ZDHHC8: variants seen among roughly 807,000 people sequenced by gnomAD.
ZDHHC8 encodes palmitoyltransferase ZDHHC8.
In ZDHHC8, 24 loss-of-function variants were observed where a neutral mutation model predicts 61.2. The ratio of observed to expected loss-of-function variants is 0.39; its 90% CI spans 0.28 to 0.55. The LOEUF is 0.55. Among genes scored for constraint, ZDHHC8 ranks in the 20% least tolerant of loss-of-function variants. The pLI is 0.60. For synonymous variants in ZDHHC8, 523 were observed against 492.5 expected (o/e 1.06, Z -0.82); for missense variants, 935 against 1,102.1 (o/e 0.85, Z 2.15).
chr22:20,138,178 A>G (rs2050437576), intron 1 of ZDHHC8, among the ~76,000 whole-genome samples: 1 of 152,250 alleles, frequency 6.6e-6, no homozygotes, highest in Non-Finnish European at 1.5e-5. Context: ...GCTAGTGGCC[A>G]TAGAGGTCAG....
intron 5 of ZDHHC8, 163 bp from the exon 6 acceptor site, chr22:20,140,454 C>T (rs1330316774): frequency 9.5e-6 from 8 of 842,542 alleles, no homozygotes; most frequent in African/African-American, 1.7e-5. Context: ...CCTGCAAGTT[C>T]AGGCTGGGTA....
Position 20,131,939 on chromosome 22 carries a change from G to A in ZDHHC8, c.-9G>A. 8.7e-7 allele frequency: 1 copy of A among 1,153,886 alleles called. No homozygotes were observed. Among genetic ancestry groups the A allele is most frequent in the Non-Finnish European group, 1.1e-6 (1 of 928,500 alleles). The allele number at this position is 1,153,886 out of a possible 1,614,324, so 71.5% of individuals were successfully genotyped here. A position where few individuals can be genotyped will look rare whatever the true frequency, so the allele number is the denominator to read the frequency against. On this transcript the variant is annotated 5_prime_UTR_variant, in exon 1 of 11. Coordinates refer to ENST00000334554, the MANE Select transcript of ZDHHC8 (RefSeq NM_013373.4). ...CCCCGGGGAGGGATGCGGCGGCGCGGCGCCCAGGATGCCCCGCAGCCCCGG... is the reference window on the plus strand; with the variant it reads ...CCCCGGGGAGGGATGCGGCGGCGCGACGCCCAGGATGCCCCGCAGCCCCGG...
chr22:20,141,550 C>T lies in ZDHHC8; in HGVS notation c.1125+20C>T. ...GAGCAGGTAAGGAGGCCTAGCCTGC[C>T]CCCTGGCAGGCCTCGTCCCCCAGGC... On this transcript the variant is annotated intron_variant, in intron 9 of 10. Transcript: ENST00000334554. The T allele has an allele frequency of 1.3e-6, 2 of 1,593,140 alleles. No individual in the cohort carries two copies. Among genetic ancestry groups the T allele is most frequent in the Non-Finnish European group, 1.7e-6 (2 of 1,169,112 alleles).
intron 1 of ZDHHC8, among the ~76,000 whole-genome samples, chr22:20,136,285 C>T (rs564521632): frequency 1.0e-3 from 156 of 152,354 alleles, no homozygotes; most frequent in Middle Eastern, 6.8e-3. Context: ...GGAGCCTCCC[C>T]GAGCCTGGAC....
In ZDHHC8 at chr22:20,147,109, C is replaced by T. The variant is rs997139991; in HGVS notation, c.*1709C>T. The T allele has an allele frequency of 1.7e-5, 26 of 1,532,570 alleles. No homozygotes were observed. The highest frequency in any genetic ancestry group is 2.2e-5 in the Non-Finnish European group (25 of 1,140,698). 94.9% of individuals were successfully genotyped at this position (1,532,570 alleles called of 1,614,324 possible). ...GCTGCACCTGTGCCACCTTGGCCGCCCGGAGGACCGCCCACCACTGCGGGC... is the reference window on the plus strand; with the variant it reads ...GCTGCACCTGTGCCACCTTGGCCGCTCGGAGGACCGCCCACCACTGCGGGC... On this transcript the variant is annotated 3_prime_UTR_variant, in exon 11 of 11. Coordinates refer to ENST00000334554, the MANE Select transcript of ZDHHC8 (RefSeq NM_013373.4).
chr22:20,143,891 T>TG (rs2050498955), intron 10 of ZDHHC8, 135 bp downstream of exon 10: 15 of 1,199,526 alleles, frequency 1.3e-5, no homozygotes, highest in Non-Finnish European at 1.7e-5. Flanking sequence ...ACAGGGAGGA[T>TG]GCGCCTCACC....
chr22:20,147,862 T>A lies in ZDHHC8; in HGVS notation c.*2462T>A, dbSNP rs1020979880. ...TGGCACTCCGGCCAGCCCTTCTCCG[T>A]CACAGGGTCCCTGTCCCTGGGTCCA... On this transcript the variant is annotated 3_prime_UTR_variant, in exon 11 of 11. Coordinates refer to ENST00000334554, the MANE Select transcript of ZDHHC8 (RefSeq NM_013373.4). The A allele has an allele frequency of 6.6e-6, 1 of 152,328 alleles. No individual in the cohort carries two copies. The highest frequency in any genetic ancestry group is 1.5e-5 in the Non-Finnish European group (1 of 68,100). The allele number at this position is 152,328 out of a possible 1,614,324, so 9.4% of individuals were successfully genotyped here.
chr22:20,145,448 C>A lies in ZDHHC8; in HGVS notation c.*48C>A. The A allele has an allele frequency of 1.4e-6, 2 of 1,390,244 alleles. No homozygotes were observed. The highest frequency in any genetic ancestry group is 1.6e-5 in the South Asian group (1 of 63,040). The allele number at this position is 1,390,244 out of a possible 1,614,324, so 86.1% of individuals were successfully genotyped here. On this transcript the variant is annotated 3_prime_UTR_variant, in exon 11 of 11. Coordinates refer to ENST00000334554, the MANE Select transcript of ZDHHC8 (RefSeq NM_013373.4). Reference sequence around the variant, plus strand: ...CATGGTGCCACGGGGACCAGGACCCCACAGCGCACCCCCCCTCCCCACCAA... The same window carrying A: ...CATGGTGCCACGGGGACCAGGACCCAACAGCGCACCCCCCCTCCCCACCAA...
At chr22:20,144,548 C>T (rs1038469410) in intron 10 of ZDHHC8, among the ~76,000 whole-genome samples, 4 of 152,246 alleles carry the variant, frequency 2.6e-5, no homozygotes, top group Non-Finnish European at 5.9e-5. Flanking sequence ...CCAGCCCAGC[C>T]CAGCCCAGGC....
intron 1 of ZDHHC8, 68 bp downstream of exon 1, chr22:20,132,119 G>C: frequency 9.8e-7 from 1 of 1,022,788 alleles, no homozygotes; most frequent in Non-Finnish European, 1.2e-6. Context: ...CCGGGCACGG[G>C]GGCAGCGGTC....
At position 20,146,969 on chromosome 22, in the gene ZDHHC8, G is replaced by A. The variant is rs984944755; in HGVS notation, c.*1569G>A. 1.9e-5 allele frequency: 26 copies of A among 1,375,242 alleles called. No individual in the cohort carries two copies. The Admixed American group carries it at 1.9e-4, about 10-fold the overall frequency. The allele number at this position is 1,375,242 out of a possible 1,614,324, so 85.2% of individuals were successfully genotyped here. ...GGAGGCGTGCGGGCTGTAGGGCCCC[G>A]AAGCTGACCTCCACCTTTCTGCTTC... On this transcript the variant is annotated 3_prime_UTR_variant, in exon 11 of 11. Transcript: ENST00000334554.
At chr22:20,144,404 A>C (rs539070224) in intron 10 of ZDHHC8, among the ~76,000 whole-genome samples, 1 of 152,274 alleles carries the variant, frequency 6.6e-6, no homozygotes, top group African/African-American at 2.4e-5. Flanking sequence ...GGAGAGCTGC[A>C]CACCTGCTGG....
chr22:20,131,865 G>GGCCCCCCC lies in ZDHHC8; in HGVS notation c.-83_-82insGCCCCCCC. The GGCCCCCCC allele has an allele frequency of 9.4e-5, 30 of 318,138 alleles. No homozygotes were observed. Among genetic ancestry groups the GGCCCCCCC allele is most frequent in the East Asian group, 1.7e-4 (1 of 5,818 alleles). The allele number at this position is 318,138 out of a possible 1,614,324, so 19.7% of individuals were successfully genotyped here. A position where few individuals can be genotyped will look rare whatever the true frequency, so the allele number is the denominator to read the frequency against. ...CGCCGCGGGTCCTGCGCCGCGTCCA[G>GGCCCCCCC]CCCGCCCGCCCGACCCCGGCCCGAC... On this transcript the variant is annotated 5_prime_UTR_variant, in exon 1 of 11. Transcript: ENST00000334554.
At chr22:20,143,853 G>A in intron 10 of ZDHHC8, 97 bp downstream of exon 10, 5 of 1,411,008 alleles carry the variant, frequency 3.5e-6, no homozygotes, top group Non-Finnish European at 4.7e-6. Flanking sequence ...GGTCATCCCA[G>A]GGGCCTGAGT....
chr22:20,137,511 G>C (rs2050431721), intron 1 of ZDHHC8, among the ~76,000 whole-genome samples: 1 of 152,264 alleles, frequency 6.6e-6, no homozygotes, highest in African/African-American at 2.4e-5. Flanking sequence ...TCCCAGAGCA[G>C]GCCAGCCCCA....
Position 20,146,504 on chromosome 22 carries a change from G to A in ZDHHC8, c.*1104G>A, listed in dbSNP as rs979836881. Reference sequence around the variant, plus strand: ...GCCAGGGCTATTGCTGCAGGATCCCGAGTTAGGGGAGGGCAGGGGCCGGGC... The same window carrying A: ...GCCAGGGCTATTGCTGCAGGATCCCAAGTTAGGGGAGGGCAGGGGCCGGGC... On this transcript the variant is annotated 3_prime_UTR_variant, in exon 11 of 11. Transcript: ENST00000334554. 2.0e-6 allele frequency: 2 copies of A among 988,102 alleles called. No individual in the cohort carries two copies. The highest frequency in any genetic ancestry group is 4.7e-5 in the South Asian group (1 of 21,320). The allele number at this position is 988,102 out of a possible 1,614,324, so 61.2% of individuals were successfully genotyped here.
rs1602580424 is a variant in ZDHHC8, at chr22:20,147,474, G to A, written c.*2074G>A. 2 of 373,794 alleles carry A rather than the reference G, an allele frequency of 5.4e-6. No homozygotes were observed. Among genetic ancestry groups the A allele is most frequent in the Non-Finnish European group, 9.4e-6 (2 of 212,128 alleles). 23.2% of individuals were successfully genotyped at this position (373,794 alleles called of 1,614,324 possible). On this transcript the variant is annotated 3_prime_UTR_variant, in exon 11 of 11. Transcript: ENST00000334554. ...AGGGGGGCAGTCCCAGAGCTGTGGG[G>A]ACCGGCACGACCTTTGCCCAGCCTC... is the stretch of plus-strand genomic sequence containing the variant.
intron 1 of ZDHHC8, among the ~76,000 whole-genome samples, chr22:20,138,253 G>A (rs565277606): frequency 4.4e-4 from 67 of 152,364 alleles, no homozygotes; most frequent in Non-Finnish European, 7.8e-4. Context: ...AGGGAGGGAC[G>A]CAAACCCCTG....
Position 20,145,672 on chromosome 22 carries a change from G to C in ZDHHC8, c.*272G>C, listed in dbSNP as rs1411416141. 6 of 1,097,980 alleles carry C rather than the reference G, an allele frequency of 5.5e-6. No individual in the cohort carries two copies. The highest frequency in any genetic ancestry group is 6.6e-6 in the Non-Finnish European group (6 of 902,256). 68.0% of individuals were successfully genotyped at this position (1,097,980 alleles called of 1,614,324 possible). On this transcript the variant is annotated 3_prime_UTR_variant, in exon 11 of 11. Coordinates refer to ENST00000334554, the MANE Select transcript of ZDHHC8 (RefSeq NM_013373.4). ...CTGTCCCATGGCTGGGGCAGTGAGG[G>C]GGCCCAGTCAGCCTCTTTGGGGCAC...
Sources: gnomAD v4.1 joint callset for allele counts (sites outside exome capture counted in the v4.1 genomes callset) on GRCh38, gnomAD v4.1.1 for gene constraint, MANE v1.5 for transcripts, NCBI Gene and HGNC (gene_info 2026-07-23, HGNC 2026-07-21) for gene names.